SORCS1: variants seen among roughly 807,000 people sequenced by gnomAD.
SORCS1 encodes VPS10 domain-containing receptor SorCS1.
A neutral mutation model predicts 146.1 loss-of-function variants in SORCS1; 60 were observed. The observed-to-expected ratio is 0.41, with a 90% CI of 0.33 to 0.51. The LOEUF (loss-of-function observed/expected upper bound fraction) is 0.51, where lower values mean the gene tolerates loss of function less well. Ranked by LOEUF, SORCS1 falls within the 20% of genes least tolerant of loss-of-function variation. The probability of loss-of-function intolerance (pLI) is 0.21; values close to 1 mark genes in which losing one functional copy is unlikely to be tolerated. For missense variants in SORCS1, 1,352 were observed against 1,487.6 expected (o/e 0.91, Z 1.50); for synonymous variants, 637 against 584.0 (o/e 1.09, Z -1.31).
intron 8 of SORCS1, among the ~76,000 whole-genome samples, chr10:106,703,053 A>C (rs899683621): frequency 2.6e-5 from 4 of 152,184 alleles, no homozygotes; most frequent in African/African-American, 9.7e-5. Context: ...ACACAGAATG[A>C]AGTTTATTCC....
chr10:106,699,975 AC>A (rs1242226085), intron 8 of SORCS1, among the ~76,000 whole-genome samples: 2 of 152,126 alleles, frequency 1.3e-5, no homozygotes, highest in Non-Finnish European at 2.9e-5. Flanking sequence ...AGGTTCAGCA[AC>A]CCCTAGCCAG....
chr10:107,004,502 A>T (rs1957358849), intron 1 of SORCS1, among the ~76,000 whole-genome samples: 2 of 152,108 alleles, frequency 1.3e-5, no homozygotes, highest in African/African-American at 2.4e-5. Flanking sequence ...CCCATTTATA[A>T]AACCACAAGA....
At chr10:106,950,064 C>T (rs913590737) in intron 2 of SORCS1, among the ~76,000 whole-genome samples, 5 of 152,188 alleles carry the variant, frequency 3.3e-5, no homozygotes, top group African/African-American at 1.2e-4. Context: ...ACCACGCTCT[C>T]CAATTCTCAA....
chr10:106,687,707 T>C (rs1852965927), intron 10 of SORCS1, among the ~76,000 whole-genome samples: 1 of 152,124 alleles, frequency 6.6e-6, no homozygotes, highest in Non-Finnish European at 1.5e-5. Flanking sequence ...CCAATAAGGG[T>C]ATAAATCAGT....
rs576526858 is a variant in SORCS1 at position 107,103,428 on chromosome 10, G to A, written c.558+60541C>T. 2.8e-4 allele frequency among the ~76,000 whole-genome samples: 43 copies of A among 152,318 alleles called. 1 individual carries two copies. In the South Asian group the frequency reaches 8.5e-3, roughly 30 times the overall value. On this transcript the variant is annotated intron_variant, in intron 1 of 25. Coordinates refer to ENST00000263054, the MANE Select transcript of SORCS1 (RefSeq NM_052918.5). ...GAAGTCCTGCCCATCCCCAAGCCCTGTGAAATTCACAAAGCATGCCTCAGC... is the reference window on the plus strand; with the variant it reads ...GAAGTCCTGCCCATCCCCAAGCCCTATGAAATTCACAAAGCATGCCTCAGC...
At chr10:107,032,614 T>C (rs1958712104) in intron 1 of SORCS1, among the ~76,000 whole-genome samples, 2 of 152,218 alleles carry the variant, frequency 1.3e-5, no homozygotes, top group African/African-American at 4.8e-5. Context: ...ATAAGCCTGC[T>C]GAGAACCTCC....
intron 2 of SORCS1, among the ~76,000 whole-genome samples, chr10:106,946,059 A>G (rs1954326541): frequency 6.6e-6 from 1 of 152,178 alleles, no homozygotes; most frequent in African/African-American, 2.4e-5. Flanking sequence ...CTTCTTTGAC[A>G]GCAATGTCAT....
intron 24 of SORCS1, among the ~76,000 whole-genome samples, chr10:106,588,601 G>T (rs865952408): frequency 3.3e-5 from 5 of 151,790 alleles, no homozygotes; most frequent in Non-Finnish European, 5.9e-5. Flanking sequence ...GTGGCTCATG[G>T]CTGTAATCCC....
Position 106,702,051 on chromosome 10 carries a change from T to A in SORCS1, c.1234-2658A>T, listed in dbSNP as rs145340625. Among the ~76,000 whole-genome samples, 446 of 152,300 alleles carry A rather than the reference T, an allele frequency of 2.9e-3. 1 individual carries two copies. The highest frequency in any genetic ancestry group is 0.017 in the East Asian group (88 of 5,186). Reference sequence around the variant, plus strand: ...GATAAGAAAGTGGTTCACCCAAGTGTTTTTGTTGTTATTGTTTAAAATAAA... The same window carrying A: ...GATAAGAAAGTGGTTCACCCAAGTGATTTTGTTGTTATTGTTTAAAATAAA... On this transcript the variant is annotated intron_variant, in intron 8 of 25. Coordinates refer to ENST00000263054, the MANE Select transcript of SORCS1 (RefSeq NM_052918.5).
rs535317821 is a variant in SORCS1, at chr10:106,943,333, T to C, written c.626+13180A>G. On this transcript the variant is annotated intron_variant, in intron 2 of 25. Coordinates refer to ENST00000263054, the MANE Select transcript of SORCS1 (RefSeq NM_052918.5). The stretch of plus-strand genomic sequence containing the variant: ...GGGGATCTCCTCAGTTTTTCTCTCA[T>C]TTTCTTCTGCACACTCTCCCTAGGT... Among the ~76,000 whole-genome samples the C allele has an allele frequency of 7.2e-5, 11 of 152,266 alleles. No individual in the cohort carries two copies. In the South Asian group the frequency reaches 2.1e-3, roughly 29 times the overall value.
At position 107,044,814 on chromosome 10, in the gene SORCS1, TAAA is replaced by T. The variant is rs71025575; in HGVS notation, c.559-88237_559-88235del. On this transcript the variant is annotated intron_variant, in intron 1 of 25. Transcript: ENST00000263054. Reference sequence around the variant, plus strand: ...GAGACAGAGTGAGATTGTGTCTCAATAAAAAAAAAAAAAAAAAAAAAAGTGACA... The same window carrying T: ...GAGACAGAGTGAGATTGTGTCTCAATAAAAAAAAAAAAAAAAAAAGTGACA... Among the ~76,000 whole-genome samples the T allele has an allele frequency of 8.9e-5, 8 of 90,272 alleles. No individual in the cohort carries two copies. The East Asian group carries it at 1.9e-3, about 21-fold the overall frequency. 59.2% of individuals were successfully genotyped at this position (90,272 alleles called of 152,430 possible).
intron 5 of SORCS1, among the ~76,000 whole-genome samples, chr10:106,753,778 A>G (rs1190995669): frequency 6.6e-6 from 1 of 152,094 alleles, no homozygotes; most frequent in Non-Finnish European, 1.5e-5. Flanking sequence ...TAAGAAGAGA[A>G]CTCAAGCTCA....
At chr10:106,611,009 G>A (rs1037063974) in intron 22 of SORCS1, among the ~76,000 whole-genome samples, 1 of 152,140 alleles carries the variant, frequency 6.6e-6, no homozygotes, top group African/African-American at 2.4e-5. Flanking sequence ...GAACCCGGAA[G>A]GCAGAGGTAG....
chr10:107,132,475 T>C (rs975094849), intron 1 of SORCS1, among the ~76,000 whole-genome samples: 6 of 152,218 alleles, frequency 3.9e-5, no homozygotes, highest in Admixed American at 6.5e-5. Context: ...TATGATGTTA[T>C]TTGTACCATG....
chr10:106,671,147 TG>T, intron 16 of SORCS1, 89 bp downstream of exon 16: 1 of 1,559,518 alleles, frequency 6.4e-7, no homozygotes, highest in Non-Finnish European at 8.7e-7. Context: ...GCCCTATGTA[TG>T]TTACTATTAT....
intron 1 of SORCS1, among the ~76,000 whole-genome samples, chr10:107,153,573 T>C (rs1969020123): frequency 6.6e-6 from 1 of 152,210 alleles, no homozygotes; most frequent in African/African-American, 2.4e-5. Context: ...TGGTAGCACA[T>C]GCTGCTGCAT....
At chr10:107,072,352 C>G (rs2134187787) in intron 1 of SORCS1, among the ~76,000 whole-genome samples, 1 of 152,278 alleles carries the variant, frequency 6.6e-6, no homozygotes, top group South Asian at 2.1e-4. Context: ...TGAAAAGTCT[C>G]TAGATTTTGT....
chr10:106,743,510 C>T (rs541422068), intron 5 of SORCS1, among the ~76,000 whole-genome samples: 161 of 152,208 alleles, frequency 1.1e-3, no homozygotes, highest in Middle Eastern at 6.8e-3. Flanking sequence ...CTGCAACCTC[C>T]GCCTCCCAGG....
At chr10:106,956,410 A>C in intron 2 of SORCS1, 103 bp downstream of exon 2, 3 of 978,966 alleles carry the variant, frequency 3.1e-6, no homozygotes, top group East Asian at 2.4e-5. Flanking sequence ...CAAGCAGTGC[A>C]TATCACCAGG....
Sources: allele counts gnomAD v4.1 joint callset (sites outside exome capture counted in the v4.1 genomes callset), GRCh38; gene constraint gnomAD v4.1.1; transcripts MANE v1.5; gene names NCBI Gene and HGNC (gene_info 2026-07-23, HGNC 2026-07-21).